KLK4: variants seen among roughly 807,000 people sequenced by gnomAD.
The protein encoded by KLK4 is kallikrein-4.
In KLK4, 24 loss-of-function variants were observed where a neutral mutation model predicts 24.3. That is an observed-to-expected ratio of 0.99 (90% confidence interval 0.72 to 1.39). KLK4 has a LOEUF of 1.39. KLK4 is among the 40% of genes most tolerant of loss of function. The pLI is 0.00. For missense variants in KLK4, 344 were observed against 327.4 expected (o/e 1.05, Z -0.39); for synonymous variants, 142 against 138.8 (o/e 1.02, Z -0.16).
chr19:50,907,124 A>G, intron 5 of KLK4, 38 bp from the exon 6 acceptor site: 1 of 1,609,696 alleles, frequency 6.2e-7, no homozygotes. Context: ...TTCAAAACAC[A>G]GAGAGGTGGA....
chr19:50,908,841 G>A lies in KLK4; in HGVS notation c.225-12C>T. 1.9e-6 allele frequency: 3 copies of A among 1,610,122 alleles called. No homozygotes were observed. The highest frequency in any genetic ancestry group is 1.7e-6 in the Non-Finnish European group (2 of 1,179,960). On this transcript the variant is annotated splice_polypyrimidine_tract_variant and intron_variant, in intron 3 of 5. Coordinates refer to ENST00000324041, the Ensembl canonical transcript of KLK4. ...CGATGGTGTAGGAGCTGTGGGCCAC[G>A]GAGGGCAGGTCAGTTTTGTGGCAAC...
chr19:50,910,874 C>G lies in KLK4; in HGVS notation c.-11-125G>C. The stretch of plus-strand genomic sequence containing the variant: ...TTAGGTAGGCAAGAGCCTAGACCAT[C>G]TACCCCCTCTCCCATCCATGGACCC... On this transcript the variant is annotated intron_variant, in intron 1 of 5. Coordinates refer to ENST00000324041, the Ensembl canonical transcript of KLK4. This position sits in a 1 kb window ranked among gnomAD's most constrained non-coding sequence, Gnocchi z 4.4. 1.3e-6 allele frequency: 1 copy of G among 780,676 alleles called. No homozygotes were observed. The highest frequency in any genetic ancestry group is 2.2e-6 in the Non-Finnish European group (1 of 453,430). 48.4% of individuals were successfully genotyped at this position (780,676 alleles called of 1,614,324 possible).
In KLK4 at chr19:50,910,241, C is replaced by A. The variant is rs1452573687; in HGVS notation, c.61+437G>T. ...CCACAGTCACACCAAGCCACAAGCC[C>A]ATGCACACCAAAACACCGTTTTATA... On this transcript the variant is annotated intron_variant, in intron 2 of 5. Transcript: ENST00000324041. The surrounding 1 kb of genome is among the most constrained non-coding windows in gnomAD (Gnocchi z 4.4). 6.6e-6 allele frequency among the ~76,000 whole-genome samples: 1 copy of A among 152,088 alleles called. No homozygotes were observed. Among genetic ancestry groups the A allele is most frequent in the African/African-American group, 2.4e-5 (1 of 41,384 alleles).
chr19:50,908,811 C>T (rs1007599021), exon 4 of KLK4: 1 of 1,613,154 alleles, frequency 6.2e-7, no homozygotes, highest in Non-Finnish European at 8.5e-7. Context: ...TGTGCAGGCC[C>T]AGCCCGATGG....
At chr19:50,909,734 G>T (rs1227415555) in intron 2 of KLK4, among the ~76,000 whole-genome samples, 1 of 151,842 alleles carries the variant, frequency 6.6e-6, no homozygotes, top group Admixed American at 6.6e-5. Context: ...AGCTTCAGGG[G>T]CTGGTCCAGG....
intron 3 of KLK4, 145 bp from the exon 4 acceptor site, chr19:50,908,974 C>T: frequency 6.6e-7 from 1 of 1,510,860 alleles, no homozygotes; most frequent in African/African-American, 1.4e-5. Flanking sequence ...ACCATGGTCT[C>T]AAATCCTCAT....
rs368569469 is a variant in KLK4 at position 50,908,534 on chromosome 19, C to A, written c.476-39G>T. 6 of 1,614,076 alleles carry A rather than the reference C, an allele frequency of 3.7e-6. No individual in the cohort carries two copies. In the African/African-American group the frequency reaches 6.7e-5, roughly 18 times the overall value. Reference sequence around the variant, plus strand: ...CTCTGGGTCAGCCCCCGCGACTGGGCAGAGGACCTCCTTGAAGAGGGCAGA... The same window carrying A: ...CTCTGGGTCAGCCCCCGCGACTGGGAAGAGGACCTCCTTGAAGAGGGCAGA... On this transcript the variant is annotated intron_variant, in intron 4 of 5. Coordinates refer to ENST00000324041, the Ensembl canonical transcript of KLK4.
chr19:50,908,986 C>T, intron 3 of KLK4, 157 bp from the exon 4 acceptor site: 1 of 1,500,552 alleles, frequency 6.7e-7, no homozygotes, highest in South Asian at 1.3e-5. Context: ...AATCCTCATT[C>T]ACAAAAATTC....
In KLK4 at chr19:50,910,136, A is replaced by T. The variant is rs1485659694; in HGVS notation, c.61+542T>A. Among the ~76,000 whole-genome samples the T allele has an allele frequency of 6.6e-6, 1 of 151,976 alleles. No individual in the cohort carries two copies. The highest frequency in any genetic ancestry group is 1.9e-4 in the East Asian group (1 of 5,180). Reference sequence around the variant, plus strand: ...GGTGGAGTTGTTGCTGGGAGCAAGGATCGGGTCACTTGTCTGCGCAGACTG... The same window carrying T: ...GGTGGAGTTGTTGCTGGGAGCAAGGTTCGGGTCACTTGTCTGCGCAGACTG... On this transcript the variant is annotated intron_variant, in intron 2 of 5. Transcript: ENST00000324041. This position sits in a 1 kb window ranked among gnomAD's most constrained non-coding sequence, Gnocchi z 4.4.
Position 50,908,502 on chromosome 19 carries a change from C to T in KLK4, c.476-7G>A, listed in dbSNP as rs377181928. On this transcript the variant is annotated splice_region_variant and splice_polypyrimidine_tract_variant and intron_variant, in intron 4 of 5. Transcript: ENST00000324041. The stretch of plus-strand genomic sequence containing the variant: ...AGCACGGTAGGCATTCTGCCTGGGA[C>T]GCAGAGCTCTGGGTCAGCCCCCGCG... 13 of 1,614,080 alleles carry T rather than the reference C, an allele frequency of 8.1e-6. No individual in the cohort carries two copies. The highest frequency in any genetic ancestry group is 1.6e-4 in the Middle Eastern group (1 of 6,084).
chr19:50,907,078 A>G (rs1301094141), exon 6 of KLK4: 3 of 1,614,120 alleles, frequency 1.9e-6, no homozygotes, highest in Admixed American at 1.7e-5. Context: ...GGGGCCCCCC[A>G]GAGTCACCCT....
intron 2 of KLK4, among the ~76,000 whole-genome samples, chr19:50,909,637 G>A (rs1471338975): frequency 2.0e-5 from 3 of 148,226 alleles, no homozygotes; most frequent in African/African-American, 7.5e-5. Context: ...CAGGACTCTT[G>A]GGGGGCCGAG....
rs1017761591 is a variant in KLK4 at position 50,908,198 on chromosome 19, T to G, written c.612+161A>C. On this transcript the variant is annotated intron_variant, in intron 5 of 5. Transcript: ENST00000324041. ...CTCTTCCTTTGCTTCTCTTTATTCCTGTGTTTATTTCTCTGTTTCTCTCAG... is the reference window on the plus strand; with the variant it reads ...CTCTTCCTTTGCTTCTCTTTATTCCGGTGTTTATTTCTCTGTTTCTCTCAG... 6 of 844,872 alleles carry G rather than the reference T, an allele frequency of 7.1e-6. No individual in the cohort carries two copies. The Admixed American group carries it at 1.2e-4, about 17-fold the overall frequency. The allele number at this position is 844,872 out of a possible 1,614,324, so 52.3% of individuals were successfully genotyped here.
exon 6 of KLK4, chr19:50,907,056 C>T (rs747268930): frequency 6.8e-6 from 11 of 1,614,028 alleles, no homozygotes; most frequent in East Asian, 2.2e-5. Context: ...TGCAAGTACC[C>T]GTTGCAGATC....
Position 50,908,574 on chromosome 19 carries a change from C to T in KLK4, c.475+5G>A. The stretch of plus-strand genomic sequence containing the variant: ...AAGAGGGCAGACACACACCCGTGAG[C>T]TCACCGTTCGCCAGCAGACCCCAGC... On this transcript the variant is annotated splice_donor_5th_base_variant and intron_variant, in intron 4 of 5. Transcript: ENST00000324041. 1 of 1,614,242 alleles carries T rather than the reference C, an allele frequency of 6.2e-7. No individual in the cohort carries two copies. The highest frequency in any genetic ancestry group is 8.5e-7 in the Non-Finnish European group (1 of 1,180,042).
chr19:50,909,994 T>C (rs1359347665), intron 2 of KLK4, among the ~76,000 whole-genome samples: 3 of 151,896 alleles, frequency 2.0e-5, no homozygotes, highest in African/African-American at 7.3e-5. Flanking sequence ...TGGGGTGAGC[T>C]CTGGAGGTGA....
At chr19:50,909,468 TG>T in intron 2 of KLK4, 54 bp from the exon 3 acceptor site, 3 of 1,592,928 alleles carry the variant, frequency 1.9e-6, no homozygotes, top group Non-Finnish European at 1.7e-6. Flanking sequence ...CCAGGGTTCC[TG>T]GGGGTGGGCT....
Position 50,910,159 on chromosome 19 carries a change from C to T in KLK4, c.61+519G>A, listed in dbSNP as rs2090475327. ...GGATCGGGTCACTTGTCTGCGCAGA[C>T]TGATGCTCAAAGAGTCGGTCCTGCG... is the stretch of plus-strand genomic sequence containing the variant. On this transcript the variant is annotated intron_variant, in intron 2 of 5. Transcript: ENST00000324041. This position sits in a 1 kb window ranked among gnomAD's most constrained non-coding sequence, Gnocchi z 4.4. Among the ~76,000 whole-genome samples, 1 of 151,998 alleles carries T rather than the reference C, an allele frequency of 6.6e-6. No homozygotes were observed. Among genetic ancestry groups the T allele is most frequent in the South Asian group, 2.1e-4 (1 of 4,820 alleles).
chr19:50,910,926 CTG>C lies in KLK4; in HGVS notation c.-11-179_-11-178del, dbSNP rs1374057215. Among the ~76,000 whole-genome samples, 3 of 144,812 alleles carry C rather than the reference CTG, an allele frequency of 2.1e-5. No homozygotes were observed. Among genetic ancestry groups the C allele is most frequent in the Admixed American group, 7.1e-5 (1 of 14,014 alleles). On this transcript the variant is annotated intron_variant, in intron 1 of 5. Transcript: ENST00000324041. This position sits in a 1 kb window ranked among gnomAD's most constrained non-coding sequence, Gnocchi z 4.4. The stretch of plus-strand genomic sequence containing the variant: ...GAACCTAGAGAGACAGATTTAGAGA[CTG>C]AGAGAGAAAAAGAGAGAGAGAGATG...
Sources: allele counts gnomAD v4.1 joint callset (sites outside exome capture counted in the v4.1 genomes callset), GRCh38; gene constraint gnomAD v4.1.1; non-coding constraint Gnocchi (gnomAD v3.1); transcripts MANE v1.5; gene names NCBI Gene and HGNC (gene_info 2026-07-23, HGNC 2026-07-21).